The following CLCN2 variants were observed in gnomAD, a reference collection of about 807,000 sequenced individuals.
CLCN2 encodes chloride voltage-gated channel 2, also known as chloride channel protein 2.
Under a neutral mutation model 108.3 loss-of-function variants are expected in CLCN2, and 72 were observed. That is an observed-to-expected ratio of 0.66 (90% CI 0.55 to 0.81). CLCN2 has a LOEUF of 0.81. Ranked by LOEUF, CLCN2 falls within the 30% of genes least tolerant of loss-of-function variation. CLCN2 has a pLI of 0.00. For missense variants in CLCN2, 1,048 were observed against 1,205.2 expected (o/e 0.87, Z 1.93); for synonymous variants, 471 against 467.1 (o/e 1.01, Z -0.11).
chr3:184,358,820 G>A lies in CLCN2; in HGVS notation c.221-7C>T. On this transcript the variant is annotated splice_region_variant and splice_polypyrimidine_tract_variant and intron_variant, in intron 2 of 23. Coordinates refer to ENST00000265593, the MANE Select transcript of CLCN2 (RefSeq NM_004366.6). Reference sequence around the variant, plus strand: ...TGGCAGCGGACAGAACAGACTGGGTGCAGGGAAGGGAAGAAGGGGGAGGAT... The same window carrying A: ...TGGCAGCGGACAGAACAGACTGGGTACAGGGAAGGGAAGAAGGGGGAGGAT... The A allele has an allele frequency of 1.2e-6, 2 of 1,613,948 alleles. No homozygotes were observed.
In CLCN2 at chr3:184,355,751, G is replaced by GAGCAGT; in HGVS notation, c.1112_1113insACTGCT (p.Leu372_Leu373dup). On this transcript the variant is annotated inframe_insertion, in exon 11 of 24. Coordinates refer to ENST00000265593, the MANE Select transcript of CLCN2 (RefSeq NM_004366.6). This position sits in a 1 kb window ranked among gnomAD's most constrained non-coding sequence, Gnocchi z 6.3. ...GGAAGGTCAGCGTGGAGATGAGCAG[G>GAGCAGT]GTCACCAGAGCCGGGAAGAGCAGGC... 3 of 1,614,182 alleles carry GAGCAGT rather than the reference G, an allele frequency of 1.9e-6. No homozygotes were observed. Among genetic ancestry groups the GAGCAGT allele is most frequent in the Non-Finnish European group, 2.5e-6 (3 of 1,180,032 alleles).
chr3:184,361,337 C>T lies in CLCN2; in HGVS notation c.63+80G>A, dbSNP rs1193257346. 1.4e-6 allele frequency: 2 copies of T among 1,433,144 alleles called. No individual in the cohort carries two copies. The highest frequency in any genetic ancestry group is 2.0e-6 in the Non-Finnish European group (2 of 1,016,430). 88.8% of individuals were successfully genotyped at this position (1,433,144 alleles called of 1,614,324 possible). On this transcript the variant is annotated intron_variant, in intron 1 of 23. Transcript: ENST00000265593. The surrounding 1 kb of genome is among the most constrained non-coding windows in gnomAD (Gnocchi z 6.6). ...TGCTAGGACAGGATTAGGGTAGGCC[C>T]CTGGTCCTCGCGCTTCCCAGGGTAA...
rs1475097304 is a variant in CLCN2, at chr3:184,353,748, T to C, written c.1769A>G (p.His590Arg). 9 of 1,607,714 alleles carry C rather than the reference T, an allele frequency of 5.6e-6. No homozygotes were observed. In the East Asian group the frequency reaches 1.3e-4, roughly 24 times the overall value. Residue 590 changes from histidine to arginine, a missense_variant, in exon 16 of 24, where the codon CAT becomes CGT. By Grantham distance (29) the His-to-Arg change is conservative. Transcript: ENST00000265593. ...CCGGAAGGTGCAGCTGAGGGCCACA[T>C]GGGGAACATCCCGCACCATGATGTC... ...VEDIMVRDVP[H>R]VALSCTFRDL...
Position 184,361,603 on chromosome 3 carries a change from T to C in CLCN2, c.-124A>G, listed in dbSNP as rs1712139325. The C allele has an allele frequency of 3.4e-6, 3 of 895,398 alleles. No individual in the cohort carries two copies. The highest frequency in any genetic ancestry group is 4.5e-6 in the Non-Finnish European group (3 of 665,388). The allele number at this position is 895,398 out of a possible 1,614,324, so 55.5% of individuals were successfully genotyped here. ...GCAGCCCGGGAGGCCGAGAGCAGAG[T>C]GCGGCGGGCCCCCGGCGGGCGCCGC... On this transcript the variant is annotated 5_prime_UTR_variant, in exon 1 of 24. Coordinates refer to ENST00000265593, the MANE Select transcript of CLCN2 (RefSeq NM_004366.6). This position sits in a 1 kb window ranked among gnomAD's most constrained non-coding sequence, Gnocchi z 6.6.
chr3:184,353,187 G>C, intron 17 of CLCN2, 40 bp from the exon 18 acceptor site: 2 of 1,612,610 alleles, frequency 1.2e-6, no homozygotes, highest in East Asian at 2.2e-5. Flanking sequence ...CACGGCCCCA[G>C]ACCACCCTCC....
Position 184,358,782 on chromosome 3 carries a change from T to C in CLCN2, c.252A>G (p.Val84=), listed in dbSNP as rs370723107. The C allele has an allele frequency of 8.7e-5, 141 of 1,612,944 alleles. 1 individual carries two copies. The highest frequency in any genetic ancestry group is 6.6e-4 in the Middle Eastern group (4 of 6,078). Residue 84 remains valine (V), a synonymous_variant, in exon 3 of 24, where the codon GTA becomes GTG. Transcript: ENST00000265593. ...AGATCCAATCTTCACCAACCCTGGA[T>C]ACTAGGAACTTGTGGCAGCGGACAG... The part of the protein sequence containing the change: ...VCSVRCHKFL[V]SRVGEDWIFL...
chr3:184,358,649 C>T (rs1711585764), intron 3 of CLCN2, 33 bp downstream of exon 3: 1 of 1,555,986 alleles, frequency 6.4e-7, no homozygotes, highest in Non-Finnish European at 8.7e-7. Flanking sequence ...GAGGTTTATT[C>T]CCAGTCCTCC....
rs371658268 is a variant in CLCN2 at position 184,355,230 on chromosome 3, C to T, written c.1326+144G>A. 4.8e-5 allele frequency: 47 copies of T among 975,686 alleles called. No homozygotes were observed. The African/African-American group carries it at 5.9e-4, about 12-fold the overall frequency. 60.4% of individuals were successfully genotyped at this position (975,686 alleles called of 1,614,324 possible). Reference sequence around the variant, plus strand: ...GACTTTGGGCCAGCTACTTGTGTTTCGACTCCCCCATCTTTCAAACGGGGG... The same window carrying T: ...GACTTTGGGCCAGCTACTTGTGTTTTGACTCCCCCATCTTTCAAACGGGGG... On this transcript the variant is annotated intron_variant, in intron 12 of 23. Coordinates refer to ENST00000265593, the MANE Select transcript of CLCN2 (RefSeq NM_004366.6). This position sits in a 1 kb window ranked among gnomAD's most constrained non-coding sequence, Gnocchi z 6.3.
chr3:184,361,277 TCA>T lies in CLCN2; in HGVS notation c.63+138_63+139del. The T allele has an allele frequency of 1.1e-6, 1 of 944,880 alleles. No individual in the cohort carries two copies. The highest frequency in any genetic ancestry group is 1.7e-6 in the Non-Finnish European group (1 of 591,730). The allele number at this position is 944,880 out of a possible 1,614,324, so 58.5% of individuals were successfully genotyped here. ...TTTCCATCCCTTCGGCCCTGCAGCC[TCA>T]GACTTCCAAGCCTCAGTTTCCCCAG... On this transcript the variant is annotated intron_variant, in intron 1 of 23. Transcript: ENST00000265593. This position sits in a 1 kb window ranked among gnomAD's most constrained non-coding sequence, Gnocchi z 6.6.
At chr3:184,360,702 A>G (rs1711946606) in intron 1 of CLCN2, among the ~76,000 whole-genome samples, 1 of 152,102 alleles carries the variant, frequency 6.6e-6, no homozygotes. Context: ...TCAAACACCA[A>G]GTAACAATGG....
chr3:184,350,716 T>C (rs1728029568), intron 22 of CLCN2, among the ~76,000 whole-genome samples: 1 of 152,114 alleles, frequency 6.6e-6, no homozygotes, highest in Non-Finnish European at 1.5e-5. Context: ...GGATTACAGG[T>C]GTAAGCCACT....
In CLCN2 at chr3:184,346,357, A is replaced by T; in HGVS notation, c.*249T>A. The T allele has an allele frequency of 7.0e-6, 4 of 569,154 alleles. No individual in the cohort carries two copies. The highest frequency in any genetic ancestry group is 9.5e-6 in the Non-Finnish European group (3 of 315,956). 35.3% of individuals were successfully genotyped at this position (569,154 alleles called of 1,614,324 possible). ...CCCCTCAAAGGGGGAGCAGGGGTCA[A>T]GTGACCCCAACCCATCCTGCCAGGG... On this transcript the variant is annotated 3_prime_UTR_variant, in exon 24 of 24. Coordinates refer to ENST00000265593, the MANE Select transcript of CLCN2 (RefSeq NM_004366.6). This position sits in a 1 kb window ranked among gnomAD's most constrained non-coding sequence, Gnocchi z 6.0.
In CLCN2 at chr3:184,346,718, G is replaced by A. The variant is rs1727696742; in HGVS notation, c.2585C>T (p.Thr862Ile). 1 of 1,614,218 alleles carries A rather than the reference G, an allele frequency of 6.2e-7. No homozygotes were observed. The highest frequency in any genetic ancestry group is 1.1e-5 in the South Asian group (1 of 91,086). Reference protein sequence around the residue: ...PPLASFRDSATSSSDTETTEV... With the variant: ...PPLASFRDSAISSSDTETTEV... ...AGTGGTCTCCGTGTCACTGCTGCTG[G>A]TGGCACTGTCTCGGAAGCTGGCGAG... Residue 862 changes from threonine to isoleucine, a missense_variant, in exon 24 of 24, where the codon ACC becomes ATC. Coordinates refer to ENST00000265593, the MANE Select transcript of CLCN2 (RefSeq NM_004366.6). This position sits in a 1 kb window ranked among gnomAD's most constrained non-coding sequence, Gnocchi z 6.0.
chr3:184,352,446 C>G lies in CLCN2; in HGVS notation c.2268G>C (p.Leu756=). The G allele has an allele frequency of 1.2e-6, 2 of 1,613,354 alleles. No individual in the cohort carries two copies. Among genetic ancestry groups the G allele is most frequent in the Non-Finnish European group, 1.7e-6 (2 of 1,179,914 alleles). Residue 756 remains leucine, a synonymous_variant, in exon 20 of 24, where the codon CTG becomes CTC. Coordinates refer to ENST00000265593, the MANE Select transcript of CLCN2 (RefSeq NM_004366.6). ...KRKLKRVRIS[L]ASDADLEGEM... is the part of the protein sequence containing the mutation. ...CTAGAAGAGCAGGCATACTTACTGC[C>G]AGGGAGATTCGGACACGCTTCAGCT...
chr3:184,346,853 G>C lies in CLCN2; in HGVS notation c.2503-53C>G. ...GGACCCAGATGTCAGACTCCTCCCCGCCTTCCTCCCCAGGTGAGCTGGACA... is the reference window on the plus strand; with the variant it reads ...GGACCCAGATGTCAGACTCCTCCCCCCCTTCCTCCCCAGGTGAGCTGGACA... On this transcript the variant is annotated intron_variant, in intron 23 of 23. Transcript: ENST00000265593. This position sits in a 1 kb window ranked among gnomAD's most constrained non-coding sequence, Gnocchi z 6.0. 1 of 1,611,554 alleles carries C rather than the reference G, an allele frequency of 6.2e-7. No homozygotes were observed. Among genetic ancestry groups the C allele is most frequent in the East Asian group, 2.2e-5 (1 of 44,870 alleles).
Position 184,358,069 on chromosome 3 carries a change from T to C in CLCN2, c.508A>G (p.Ile170Val), listed in dbSNP as rs748622894. The change falls in exon 5 of 24, where the codon ATC (isoleucine) becomes GTC (valine). Residue 170 changes from isoleucine (I) to valine (V), a missense_variant. Transcript: ENST00000265593. ...VGSGIPEMKTILRGVVLKEYL... is the reference protein window; with the variant it reads ...VGSGIPEMKTVLRGVVLKEYL... ...TCTTTCAGCACCACTCCCCGCAAGA[T>C]GGTCTTCATCTCAGGGATGCCAGAG... The C allele has an allele frequency of 3.3e-5, 54 of 1,614,034 alleles. No homozygotes were observed. Among genetic ancestry groups the C allele is most frequent in the Non-Finnish European group, 4.6e-5 (54 of 1,180,050 alleles).
Position 184,352,486 on chromosome 3 carries a change from G to T in CLCN2, c.2228C>A (p.Ser743Tyr), listed in dbSNP as rs967058477. The change falls in exon 20 of 24, where the codon TCC becomes TAC. Residue 743 changes from serine to tyrosine, a missense_variant. Physicochemically the swap from Ser to Tyr is moderately radical, Grantham distance 144. Transcript: ENST00000265593. ...PPEAASEKLE[S>Y]CEKRKLKRVR... is the part of the protein sequence containing the mutation. ...ACGCTTCAGCTTGCGCTTCTCACAG[G>T]ATTCCAACTTCTTCAGTTTTGTTAG... is the stretch of plus-strand genomic sequence containing the variant. The T allele has an allele frequency of 3.7e-6, 6 of 1,613,178 alleles. No individual in the cohort carries two copies. In the South Asian group the frequency reaches 6.6e-5, roughly 18 times the overall value.
At chr3:184,360,674 G>A (rs1711942592) in intron 1 of CLCN2, among the ~76,000 whole-genome samples, 1 of 152,198 alleles carries the variant, frequency 6.6e-6, no homozygotes, top group Non-Finnish European at 1.5e-5. Context: ...AGTGACATGA[G>A]GAGGGTCACG....
Position 184,355,059 on chromosome 3 carries a change from C to A in CLCN2, c.1327-86G>T. On this transcript the variant is annotated intron_variant, in intron 12 of 23. Coordinates refer to ENST00000265593, the MANE Select transcript of CLCN2 (RefSeq NM_004366.6). This position sits in a 1 kb window ranked among gnomAD's most constrained non-coding sequence, Gnocchi z 6.3. Reference sequence around the variant, plus strand: ...CGCCACCCAGGAGAAGTCTACCTCGCTGATCAGGTGGGCGTAACCCTCCCA... The same window carrying A: ...CGCCACCCAGGAGAAGTCTACCTCGATGATCAGGTGGGCGTAACCCTCCCA... 7.6e-7 allele frequency: 1 copy of A among 1,315,118 alleles called. No homozygotes were observed. The highest frequency in any genetic ancestry group is 1.4e-5 in the African/African-American group (1 of 69,010). 81.5% of individuals were successfully genotyped at this position (1,315,118 alleles called of 1,614,324 possible).
Sources: gnomAD v4.1 joint callset for allele counts (sites outside exome capture counted in the v4.1 genomes callset) on GRCh38, gnomAD v4.1.1 for gene constraint, Gnocchi (gnomAD v3.1) non-coding constraint, MANE v1.5 for transcripts, NCBI Gene and HGNC (gene_info 2026-07-23, HGNC 2026-07-21) for gene names.